Variants in FAM227B observed in about 807,000 individuals in gnomAD.
The protein encoded by FAM227B is family with sequence similarity 227 member B.
FAM227B carries 88 observed loss-of-function variants against 73.8 expected under a neutral mutation model. The observed-to-expected ratio is 1.19, with a 90% confidence interval of 1.00 to 1.42. The LOEUF is 1.42. Among genes scored for constraint, FAM227B ranks in the 40% most tolerant of loss-of-function variants. The probability of loss-of-function intolerance (pLI) is 0.00; values close to 1 mark genes in which losing one functional copy is unlikely to be tolerated. For synonymous variants in FAM227B, 210 were observed against 190.5 expected, an observed-to-expected ratio of 1.10 and a Z score of -0.84; for missense variants, 632 against 590.9, an observed-to-expected ratio of 1.07 and a Z score of -0.72.
intron 13 of FAM227B, among the ~76,000 whole-genome samples, chr15:49,349,807 A>C (rs185081617): frequency 8.0e-4 from 122 of 152,296 alleles, no homozygotes; most frequent in Middle Eastern, 3.4e-3. Context: ...GTATGGACCA[A>C]AACTCTGCAT....
rs2046026121 is a variant in FAM227B at position 49,374,407 on chromosome 15, G to GTACCT, written c.1013-3009_1013-3008insAGGTA. Among the ~76,000 whole-genome samples, 5 of 152,214 alleles carry GTACCT rather than the reference G, an allele frequency of 3.3e-5. No homozygotes were observed. The South Asian group carries it at 1.1e-3, about 32-fold the overall frequency. ...AGAGTTGGAATGTACCTTGGAGAGAGGGGTAGAAAAGAAATGCCAGGAGAA... is the reference window on the plus strand; with the variant it reads ...AGAGTTGGAATGTACCTTGGAGAGAGTACCTGGGTAGAAAAGAAATGCCAGGAGAA... On this transcript the variant is annotated intron_variant, in intron 11 of 15. Coordinates refer to ENST00000299338, the MANE Select transcript of FAM227B (RefSeq NM_152647.3).
chr15:49,618,646 G>C (rs1329953032), intron 1 of FAM227B, among the ~76,000 whole-genome samples: 4 of 152,234 alleles, frequency 2.6e-5, no homozygotes, highest in Non-Finnish European at 5.9e-5. Context: ...ATGAGGTAGA[G>C]AGGGAATGTT....
intron 11 of FAM227B, among the ~76,000 whole-genome samples, chr15:49,435,680 A>C (rs1213566348): frequency 1.3e-5 from 2 of 151,546 alleles, no homozygotes; most frequent in African/African-American, 4.8e-5. Context: ...ATTGAATAAT[A>C]ATAGATACCC....
At chr15:49,554,415 T>C (rs1007499724) in intron 9 of FAM227B, among the ~76,000 whole-genome samples, 19 of 152,196 alleles carry the variant, frequency 1.2e-4, no homozygotes, top group Admixed American at 5.2e-4. Flanking sequence ...TCAGATTTAC[T>C]TGGAGACACA....
At position 49,576,764 on chromosome 15, in the gene FAM227B, T is replaced by A. The variant is rs571765710; in HGVS notation, c.523A>T (p.Ile175Phe). The A allele has an allele frequency of 6.2e-6, 10 of 1,601,236 alleles. No individual in the cohort carries two copies. In the Admixed American group the frequency reaches 1.0e-4, roughly 16 times the overall value. ...ACATCAAAATTATGGGCTTTTAAAA[T>A]AAAAAGATAAATTTGTTCAGCATCC... ...HLDAEQIYLF[I>F]LKAHNFDERV... The change falls in exon 7 of 16, where the codon ATT becomes TTT. Residue 175 changes from isoleucine (I) to phenylalanine (F), a missense_variant. Transcript: ENST00000299338.
Position 49,507,571 on chromosome 15 carries a change from G to A in FAM227B, c.1012+640C>T, listed in dbSNP as rs190947350. Among the ~76,000 whole-genome samples, 19 of 152,140 alleles carry A rather than the reference G, an allele frequency of 1.2e-4. 1 individual carries two copies. The Middle Eastern group carries it at 0.01, about 82-fold the overall frequency. On this transcript the variant is annotated intron_variant, in intron 11 of 15. Transcript: ENST00000299338. ...GCATAAACAGGAGAGAAATAAACTC[G>A]CCTTACAAAGCTTATTAATGTAGAG...
chr15:49,489,683 A>G (rs2056715448), intron 11 of FAM227B, among the ~76,000 whole-genome samples: 1 of 149,410 alleles, frequency 6.7e-6, no homozygotes. Flanking sequence ...ATCTGAGAAT[A>G]AGACCTAAAA....
intron 11 of FAM227B, among the ~76,000 whole-genome samples, chr15:49,396,821 G>C (rs1330769142): frequency 6.6e-6 from 1 of 151,550 alleles, no homozygotes; most frequent in East Asian, 1.9e-4. Flanking sequence ...AAACAGAAAG[G>C]ACATCCACAC....
chr15:49,547,084 T>C (rs544870643), intron 9 of FAM227B, among the ~76,000 whole-genome samples: 62 of 152,318 alleles, frequency 4.1e-4, no homozygotes, highest in African/African-American at 1.4e-3. Flanking sequence ...GCGGATCTCT[T>C]GGCAGAAACT....
chr15:49,587,508 G>C (rs973647588), intron 5 of FAM227B, among the ~76,000 whole-genome samples: 1 of 152,028 alleles, frequency 6.6e-6, no homozygotes, highest in Non-Finnish European at 1.5e-5. Flanking sequence ...TAAAAATAAA[G>C]CATTAAATGA....
chr15:49,438,755 A>C (rs2051338268), intron 11 of FAM227B, among the ~76,000 whole-genome samples: 1 of 151,666 alleles, frequency 6.6e-6, no homozygotes, highest in Non-Finnish European at 1.5e-5. Flanking sequence ...TTTGTTTTAT[A>C]AATATAAATT....
intron 13 of FAM227B, among the ~76,000 whole-genome samples, chr15:49,354,296 G>A (rs1193162320): frequency 9.2e-5 from 14 of 152,202 alleles, no homozygotes; most frequent in African/African-American, 2.2e-4. Context: ...CGTGAGCGAC[G>A]CAGAAGACGG....
intron 11 of FAM227B, among the ~76,000 whole-genome samples, chr15:49,442,711 G>A (rs989781257): frequency 6.6e-6 from 1 of 151,646 alleles, no homozygotes; most frequent in Admixed American, 6.6e-5. Flanking sequence ...TACTAGCATG[G>A]TTATTTAAAC....
chr15:49,572,438 T>C (rs1210503104), intron 8 of FAM227B, among the ~76,000 whole-genome samples: 1 of 152,124 alleles, frequency 6.6e-6, no homozygotes, highest in Admixed American at 6.6e-5. Context: ...TTTGGTATGT[T>C]GTGTTTTTGT....
At chr15:49,523,326 T>C (rs1438471119) in intron 10 of FAM227B, among the ~76,000 whole-genome samples, 1 of 152,140 alleles carries the variant, frequency 6.6e-6, no homozygotes, top group Non-Finnish European at 1.5e-5. Flanking sequence ...CTGCTGTTCT[T>C]GGGATGGTGA....
At chr15:49,338,271 T>C (rs1469269954) in intron 13 of FAM227B, among the ~76,000 whole-genome samples, 3 of 152,216 alleles carry the variant, frequency 2.0e-5, no homozygotes, top group Non-Finnish European at 4.4e-5. Flanking sequence ...CTGGTACCGG[T>C]TGTTCCTTTC....
At chr15:49,482,218 C>T (rs531634026) in intron 11 of FAM227B, among the ~76,000 whole-genome samples, 2 of 151,950 alleles carry the variant, frequency 1.3e-5, no homozygotes, top group Non-Finnish European at 2.9e-5. Context: ...ATTATTACAT[C>T]ATTTTAATAA....
chr15:49,475,496 T>A (rs1427736796), intron 11 of FAM227B, among the ~76,000 whole-genome samples: 1 of 152,162 alleles, frequency 6.6e-6, no homozygotes, highest in African/African-American at 2.4e-5. Flanking sequence ...GGCTTGCAAA[T>A]GTATTTAAAC....
At chr15:49,436,656 G>T (rs538646008) in intron 11 of FAM227B, among the ~76,000 whole-genome samples, 1 of 150,528 alleles carries the variant, frequency 6.6e-6, no homozygotes, top group South Asian at 2.1e-4. Flanking sequence ...CTCATTTGCA[G>T]ATGGGGGAGA....
Sources: allele counts gnomAD v4.1 joint callset (sites outside exome capture counted in the v4.1 genomes callset), GRCh38; gene constraint gnomAD v4.1.1; transcripts MANE v1.5; gene names NCBI Gene and HGNC (gene_info 2026-07-23, HGNC 2026-07-21).